FHIT: variants seen among roughly 807,000 people sequenced by gnomAD.
FHIT encodes the protein fragile histidine triad diadenosine triphosphatase.
A neutral mutation model predicts 17.9 loss-of-function variants in FHIT; 19 were observed. That is an observed-to-expected ratio of 1.06 (90% confidence interval 0.74 to 1.56). FHIT has a LOEUF of 1.56. Ranked by LOEUF, FHIT falls within the 40% of genes most tolerant of loss-of-function variation. The pLI, the probability that FHIT is intolerant of heterozygous loss-of-function variation, is 0.00. For missense variants in FHIT, 248 were observed against 189.2 expected (o/e 1.31, Z -1.82); for synonymous variants, 81 against 69.7 (o/e 1.16, Z -0.81).
intron 1 of FHIT, among the ~76,000 whole-genome samples, chr3:61,202,216 A>G (rs2039042476): frequency 1.3e-5 from 2 of 151,576 alleles, no homozygotes; most frequent in African/African-American, 4.9e-5. Context: ...CCGGCTGGCC[A>G]ACTGACTGGG....
Position 60,522,486 on chromosome 3 carries a change from C to T in FHIT, c.103+14374G>A, listed in dbSNP as rs1182186117. 3.9e-5 allele frequency among the ~76,000 whole-genome samples: 6 copies of T among 152,260 alleles called. No homozygotes were observed. In the East Asian group the frequency reaches 5.8e-4, roughly 15 times the overall value. ...TATTTTTAAAAATCTATGTCAGCTA[C>T]ATAGTGGTAGACTGGAGGATGGATA... On this transcript the variant is annotated intron_variant, in intron 5 of 9. Coordinates refer to ENST00000492590, the MANE Select transcript of FHIT (RefSeq NM_002012.4).
At chr3:59,903,521 C>T (rs983407498) in intron 8 of FHIT, among the ~76,000 whole-genome samples, 8 of 152,226 alleles carry the variant, frequency 5.3e-5, no homozygotes, top group South Asian at 4.1e-4. Context: ...ATGGTCACTA[C>T]GGTTATCATT....
At chr3:61,238,023 C>A (rs1239365409) in intron 1 of FHIT, among the ~76,000 whole-genome samples, 1 of 152,160 alleles carries the variant, frequency 6.6e-6, no homozygotes, top group African/African-American at 2.4e-5. Flanking sequence ...TATGATGAGT[C>A]ACACCTCATT....
At chr3:59,895,531 A>C (rs538138917) in intron 8 of FHIT, among the ~76,000 whole-genome samples, 2 of 152,094 alleles carry the variant, frequency 1.3e-5, no homozygotes, top group South Asian at 4.2e-4. Context: ...ACTTCCAATA[A>C]ATCTGTCCCA....
At chr3:60,633,367 AAT>A (rs1429823046) in intron 4 of FHIT, among the ~76,000 whole-genome samples, 1 of 151,392 alleles carries the variant, frequency 6.6e-6, no homozygotes, top group African/African-American at 2.5e-5. Flanking sequence ...TAAATCAAAT[AAT>A]ATGTGTAAAG....
chr3:60,362,759 C>A (rs1309448148), intron 5 of FHIT, among the ~76,000 whole-genome samples: 10 of 152,158 alleles, frequency 6.6e-5, no homozygotes, highest in Non-Finnish European at 1.2e-4. Flanking sequence ...AAACGTGGAT[C>A]AGATTGCCTT....
intron 5 of FHIT, among the ~76,000 whole-genome samples, chr3:60,360,010 T>C (rs1005870915): frequency 6.7e-6 from 1 of 150,268 alleles, no homozygotes; most frequent in South Asian, 2.1e-4. Flanking sequence ...TTTTTTTTTT[T>C]CATTCTGTAA....
intron 4 of FHIT, among the ~76,000 whole-genome samples, chr3:60,810,970 G>A (rs1389319692): frequency 6.6e-6 from 1 of 152,090 alleles, no homozygotes; most frequent in Non-Finnish European, 1.5e-5. Flanking sequence ...AGAGAGATAG[G>A]GGTTCGAATT....
intron 3 of FHIT, among the ~76,000 whole-genome samples, chr3:60,901,122 A>G (rs1371824124): frequency 2.0e-5 from 3 of 152,102 alleles, no homozygotes; most frequent in Non-Finnish European, 4.4e-5. Context: ...TAATTAAACA[A>G]TTTACTTTCT....
intron 5 of FHIT, among the ~76,000 whole-genome samples, chr3:60,305,715 G>T (rs954533643): frequency 6.6e-6 from 1 of 152,126 alleles, no homozygotes; most frequent in Non-Finnish European, 1.5e-5. Flanking sequence ...GTAAGTAATG[G>T]TGCTTTTACA....
rs554888102 is a variant in FHIT at position 60,511,290 on chromosome 3, C to G, written c.103+25570G>C. Among the ~76,000 whole-genome samples, 9 of 152,250 alleles carry G rather than the reference C, an allele frequency of 5.9e-5. No homozygotes were observed. The South Asian group carries it at 8.3e-4, about 14-fold the overall frequency. On this transcript the variant is annotated intron_variant, in intron 5 of 9. Transcript: ENST00000492590. ...CAATAAATATTACCTATAATTACCACCATTATGCCAATTCCATCAGTACTG... is the reference window on the plus strand; with the variant it reads ...CAATAAATATTACCTATAATTACCAGCATTATGCCAATTCCATCAGTACTG...
At chr3:60,208,768 C>T (rs1057028235) in intron 5 of FHIT, among the ~76,000 whole-genome samples, 1 of 152,108 alleles carries the variant, frequency 6.6e-6, no homozygotes, top group Non-Finnish European at 1.5e-5. Flanking sequence ...GACAGGCAAT[C>T]GATTTCTGTG....
intron 3 of FHIT, among the ~76,000 whole-genome samples, chr3:60,952,177 CCCAA>C (rs1708917095): frequency 7.2e-6 from 1 of 138,458 alleles, no homozygotes; most frequent in African/African-American, 2.9e-5. Flanking sequence ...CCACCCCCCC[CCCAA>C]AAAAAAAAAA....
chr3:60,103,726 G>A (rs182760543), intron 5 of FHIT, among the ~76,000 whole-genome samples: 2 of 152,262 alleles, frequency 1.3e-5, no homozygotes, highest in African/African-American at 4.8e-5. Context: ...TTAGCCCTCT[G>A]CAATTATACT....
intron 4 of FHIT, among the ~76,000 whole-genome samples, chr3:60,622,869 C>G (rs552284394): frequency 1.3e-4 from 20 of 152,182 alleles, no homozygotes; most frequent in Non-Finnish European, 2.6e-4. Context: ...TTCTGAGCTC[C>G]GTGCTCAAAA....
intron 5 of FHIT, among the ~76,000 whole-genome samples, chr3:60,439,694 T>A (rs1213200030): frequency 6.6e-6 from 1 of 152,022 alleles, no homozygotes; most frequent in East Asian, 1.9e-4. Context: ...ATCATGTGTC[T>A]CCCAACCCTT....
chr3:60,664,082 A>C (rs1553691845), intron 4 of FHIT, among the ~76,000 whole-genome samples: 3 of 152,202 alleles, frequency 2.0e-5, no homozygotes, highest in African/African-American at 7.2e-5. Context: ...TTCTAATCTC[A>C]GGGATGCTCT....
intron 7 of FHIT, among the ~76,000 whole-genome samples, chr3:59,993,335 A>C (rs994621575): frequency 1.6e-4 from 25 of 152,210 alleles, no homozygotes; most frequent in Admixed American, 4.6e-4. Flanking sequence ...CATCCTACAA[A>C]GCAAGTAATC....
chr3:59,984,964 G>C (rs1043082969), intron 7 of FHIT, among the ~76,000 whole-genome samples: 4 of 152,070 alleles, frequency 2.6e-5, no homozygotes, highest in Non-Finnish European at 5.9e-5. Flanking sequence ...TGAGGTCTAT[G>C]ATCCAGTAAT....
Sources: gnomAD v4.1 joint callset for allele counts (sites outside exome capture counted in the v4.1 genomes callset) on GRCh38, gnomAD v4.1.1 for gene constraint, MANE v1.5 for transcripts, NCBI Gene and HGNC (gene_info 2026-07-23, HGNC 2026-07-21) for gene names.